Variants in HDAC9 observed in about 807,000 individuals in gnomAD.
HDAC9 encodes histone deacetylase 9, also known as MEF-2 interacting transcription repressor (MITR) protein.
HDAC9 carries 41 observed loss-of-function variants against 139.4 expected under a neutral mutation model. The observed-to-expected ratio is 0.29, with a 90% CI of 0.23 to 0.38. The LOEUF is 0.38. Among genes scored for constraint, HDAC9 ranks in the 10% least tolerant of loss-of-function variants. HDAC9 has a pLI of 1.00. For missense variants in HDAC9, 1,147 were observed against 1,297.0 expected (o/e 0.88, Z 1.78); for synonymous variants, 517 against 476.2 (o/e 1.09, Z -1.12).
Position 18,354,823 on chromosome 7 carries a change from A to G in HDAC9, c.-42+64308A>G, listed in dbSNP as rs11520754. ...TTCAGAAGGATCTAAAACAGGCAAT[A>G]CAAAAAGCTTTAGACAGTCAACACA... is the stretch of plus-strand genomic sequence containing the variant. On this transcript the variant is annotated intron_variant, in intron 1 of 3. Coordinates refer to the HDAC9 transcript ENST00000413509. Among the ~76,000 whole-genome samples, 1,093 of 152,278 alleles carry G rather than the reference A, an allele frequency of 7.2e-3. 10 individuals carry two copies. The highest frequency in any genetic ancestry group is 9.4e-3 in the Non-Finnish European group (642 of 68,026).
At chr7:18,583,863 G>C (rs1291210897) in intron 2 of HDAC9, among the ~76,000 whole-genome samples, 1 of 152,140 alleles carries the variant, frequency 6.6e-6, no homozygotes, top group Non-Finnish European at 1.5e-5. Flanking sequence ...TTTTATCTGA[G>C]TAGTGACTGG....
intron 1 of HDAC9, among the ~76,000 whole-genome samples, chr7:18,380,990 G>A (rs1003209219): frequency 1.3e-5 from 2 of 151,882 alleles, no homozygotes; most frequent in African/African-American, 4.8e-5. Flanking sequence ...TTGAGGCCAG[G>A]AATTCAAGAC....
chr7:18,480,432 G>A lies in HDAC9; in HGVS notation c.-41-15830G>A, dbSNP rs76415740. ...GTACAATTCTAAAACCAGACAACCT[G>A]ATTCTGAGGCAGGATGGGCACCCTT... On this transcript the variant is annotated intron_variant, in intron 1 of 3. Transcript: ENST00000413509. 3.2e-3 allele frequency among the ~76,000 whole-genome samples: 490 copies of A among 152,282 alleles called. 6 individuals are homozygous for A. The highest frequency in any genetic ancestry group is 0.011 in the African/African-American group (457 of 41,554).
intron 2 of HDAC9, among the ~76,000 whole-genome samples, chr7:18,221,843 C>T (rs1178330): frequency 0.043 from 6,543 of 152,118 alleles, 203 homozygotes; most frequent in African/African-American, 0.076. Context: ...GTGAAATTCA[C>T]TAAATTGGGT....
chr7:18,626,815 T>C (rs1841844159), intron 6 of HDAC9, among the ~76,000 whole-genome samples: 1 of 152,138 alleles, frequency 6.6e-6, no homozygotes, highest in African/African-American at 2.4e-5. Flanking sequence ...AAATTCTAGG[T>C]TTCATCTAGA....
At chr7:18,944,116 C>G (rs1328921378) in intron 23 of HDAC9, among the ~76,000 whole-genome samples, 2 of 152,294 alleles carry the variant, frequency 1.3e-5, no homozygotes, top group East Asian at 1.9e-4. Flanking sequence ...GCAGACTTCT[C>G]TAAGACAATT....
At chr7:18,148,894 G>A (rs1016740508) in intron 1 of HDAC9, among the ~76,000 whole-genome samples, 2 of 152,122 alleles carry the variant, frequency 1.3e-5, no homozygotes, top group African/African-American at 2.4e-5. Flanking sequence ...TGGCATATGA[G>A]GTAATATAAT....
intron 1 of HDAC9, among the ~76,000 whole-genome samples, chr7:18,414,502 G>T (rs924397568): frequency 6.6e-6 from 1 of 150,916 alleles, no homozygotes; most frequent in Non-Finnish European, 1.5e-5. Context: ...CATTTTATTT[G>T]AATTTTAATT....
chr7:18,542,410 A>G (rs1171922488), intron 2 of HDAC9, among the ~76,000 whole-genome samples: 1 of 152,220 alleles, frequency 6.6e-6, no homozygotes, highest in Non-Finnish European at 1.5e-5. Flanking sequence ...ACTAATATGT[A>G]TAAAACATTT....
intron 2 of HDAC9, among the ~76,000 whole-genome samples, chr7:18,514,153 T>C (rs1423655714): frequency 6.6e-6 from 1 of 152,234 alleles, no homozygotes; most frequent in Non-Finnish European, 1.5e-5. Context: ...GTATATGCGT[T>C]GTATGTGTAT....
rs1791012837 is a variant in HDAC9, at chr7:18,200,125, C to T, written c.25+37776C>T. Reference sequence around the variant, plus strand: ...AATGTAATGCAATTGAACAAGAAAACAATTATCTGTCTGCTGGAAATAATG... The same window carrying T: ...AATGTAATGCAATTGAACAAGAAAATAATTATCTGTCTGCTGGAAATAATG... On this transcript the variant is annotated intron_variant, in intron 2 of 12. Transcript: ENST00000417496. Among the ~76,000 whole-genome samples the T allele has an allele frequency of 2.0e-5, 3 of 152,142 alleles. No individual in the cohort carries two copies. In the South Asian group the frequency reaches 6.2e-4, roughly 32 times the overall value.
At chr7:18,467,217 C>T (rs1794354247) in intron 1 of HDAC9, among the ~76,000 whole-genome samples, 1 of 152,300 alleles carries the variant, frequency 6.6e-6, no homozygotes, top group South Asian at 2.1e-4. Flanking sequence ...AGTTAATGGA[C>T]TCACATTCCC....
intron 2 of HDAC9, among the ~76,000 whole-genome samples, chr7:18,164,807 A>G (rs538195825): frequency 6.6e-6 from 1 of 152,372 alleles, no homozygotes; most frequent in South Asian, 2.1e-4. Context: ...GTTCAAAGTT[A>G]GAGCCTTGGG....
intron 1 of HDAC9, among the ~76,000 whole-genome samples, chr7:18,367,427 C>G (rs1043866028): frequency 6.6e-6 from 1 of 152,090 alleles, no homozygotes; most frequent in Non-Finnish European, 1.5e-5. Context: ...GGTAAAGACT[C>G]TGTAGAAACC....
intron 1 of HDAC9, among the ~76,000 whole-genome samples, chr7:18,390,863 C>CCA (rs1786406989): frequency 6.6e-6 from 1 of 152,000 alleles, no homozygotes; most frequent in Non-Finnish European, 1.5e-5. Context: ...CCAAGGCAGG[C>CCA]AGATCACTTG....
intron 2 of HDAC9, among the ~76,000 whole-genome samples, chr7:18,522,865 C>G (rs1020755271): frequency 6.6e-6 from 1 of 152,152 alleles, no homozygotes; most frequent in African/African-American, 2.4e-5. Context: ...GGAAACTGAG[C>G]TCAAAGAGGC....
intron 8 of HDAC9, among the ~76,000 whole-genome samples, chr7:18,644,260 G>A (rs1170984058): frequency 6.6e-6 from 1 of 152,058 alleles, no homozygotes; most frequent in Non-Finnish European, 1.5e-5. Context: ...TCAATAAAAT[G>A]ACATTAAATG....
chr7:18,293,058 G>C (rs986853139), intron 1 of HDAC9, among the ~76,000 whole-genome samples: 2 of 151,766 alleles, frequency 1.3e-5, no homozygotes, highest in Non-Finnish European at 2.9e-5. Flanking sequence ...GCAAACATCA[G>C]ACATAAATGA....
chr7:18,364,910 C>T (rs965778553), intron 1 of HDAC9, among the ~76,000 whole-genome samples: 20 of 152,024 alleles, frequency 1.3e-4, no homozygotes, highest in African/African-American at 3.4e-4. Flanking sequence ...GTAGCAGAAT[C>T]GAAGGGAAAT....
Sources: allele counts gnomAD v4.1 joint callset (sites outside exome capture counted in the v4.1 genomes callset), GRCh38; gene constraint gnomAD v4.1.1; transcripts MANE v1.5; gene names NCBI Gene and HGNC (gene_info 2026-07-23, HGNC 2026-07-21).